The following ZRSR2 variants were observed in gnomAD, a reference collection of about 807,000 sequenced individuals.
ZRSR2 encodes zinc finger CCCH-type, RNA binding motif and serine/arginine rich 2.
A neutral mutation model predicts 39.4 loss-of-function variants in ZRSR2; 3 were observed. The observed-to-expected ratio is 0.08, with a 90% CI of 0.03 to 0.20. The LOEUF is 0.20. Among genes scored for constraint, ZRSR2 ranks in the 10% least tolerant of loss-of-function variants. The pLI, the probability that ZRSR2 is intolerant of heterozygous loss-of-function variation, is 1.00. For missense variants in ZRSR2, 256 were observed against 391.5 expected, an observed-to-expected ratio of 0.65 and a Z score of 2.92; for synonymous variants, 137 against 136.0, an observed-to-expected ratio of 1.01 and a Z score of -0.05.
chrX:15,792,407 G>A (rs1932312964), intron 2 of ZRSR2, among the ~76,000 whole-genome samples: 1 of 112,199 alleles, frequency 8.9e-6, no homozygotes. Flanking sequence ...GGGCAACAGA[G>A]TGAGATTCTG....
At chrX:15,812,143 A>G (rs980408955) in intron 7 of ZRSR2, among the ~76,000 whole-genome samples, 1 of 110,333 alleles carries the variant, frequency 9.1e-6, no homozygotes, top group Non-Finnish European at 1.9e-5. Flanking sequence ...GTTAGCCAGG[A>G]TGGTCTCGAT....
chrX:15,803,800 T>TG lies in ZRSR2; in HGVS notation c.312+6dup, dbSNP rs1373853070. 1.2e-5 allele frequency: 14 copies of TG among 1,182,757 alleles called. 1 individual carries two copies. Among genetic ancestry groups the TG allele is most frequent in the East Asian group, 9.3e-5 (3 of 32,377 alleles). ...AAAACGGCAAGAAGAACAAGAGGTATGGTAGGAATCACGTAACTAGTGAAC... is the reference window on the plus strand; with the variant it reads ...AAAACGGCAAGAAGAACAAGAGGTATGGGTAGGAATCACGTAACTAGTGAAC... On this transcript the variant is annotated splice_donor_region_variant and intron_variant, in intron 4 of 10. Transcript: ENST00000307771.
intron 2 of ZRSR2, among the ~76,000 whole-genome samples, chrX:15,795,162 C>T (rs1252401192): frequency 9.7e-6 from 1 of 102,988 alleles, no homozygotes; most frequent in African/African-American, 3.6e-5. Flanking sequence ...TGATGCCATG[C>T]ACAATATCTG....
At position 15,790,917 on chromosome X, in the gene ZRSR2, A is replaced by C; in HGVS notation, c.42-17A>C. The C allele has an allele frequency of 4.2e-6, 5 of 1,203,414 alleles. No individual in the cohort carries two copies. The highest frequency in any genetic ancestry group is 4.5e-6 in the Non-Finnish European group (4 of 888,110). On this transcript the variant is annotated splice_polypyrimidine_tract_variant and intron_variant, in intron 1 of 10. Transcript: ENST00000307771. Reference sequence around the variant, plus strand: ...ATTGTAGCCGCTGATCGTCGTGTATATGTCTTAATCTTCCAGCCACAAAAA... The same window carrying C: ...ATTGTAGCCGCTGATCGTCGTGTATCTGTCTTAATCTTCCAGCCACAAAAA...
rs761540064 is a variant in ZRSR2 at position 15,810,560 on chromosome X, CTTT to C, written c.557+1243_557+1245del. 5.4e-5 allele frequency among the ~76,000 whole-genome samples: 6 copies of C among 110,870 alleles called. 1 individual carries two copies. In the East Asian group the frequency reaches 1.7e-3, roughly 31 times the overall value. Reference sequence around the variant, plus strand: ...TGAGGTTTTTTTCCTTCTTCTTCTTCTTTGAAAATATATCCTTCTCTATGGTTC... The same window carrying C: ...TGAGGTTTTTTTCCTTCTTCTTCTTCGAAAATATATCCTTCTCTATGGTTC... On this transcript the variant is annotated intron_variant, in intron 7 of 10. Transcript: ENST00000307771.
At chrX:15,818,500 G>A (rs1933025070) in intron 8 of ZRSR2, 87 bp from the exon 9 acceptor site, 8 of 842,356 alleles carry the variant, frequency 9.5e-6, no homozygotes, top group East Asian at 6.5e-5. Flanking sequence ...CTACTTTGGG[G>A]AATGTTAGCC....
chrX:15,800,186 CTTT>C (rs752445746), intron 3 of ZRSR2, among the ~76,000 whole-genome samples: 2 of 79,304 alleles, frequency 2.5e-5, no homozygotes, highest in African/African-American at 4.7e-5. Context: ...TTTTTTCTTT[CTTT>C]TTTTTTTTTT....
chrX:15,794,035 C>G (rs766152833), intron 2 of ZRSR2, among the ~76,000 whole-genome samples: 30 of 112,115 alleles, frequency 2.7e-4, no homozygotes, highest in African/African-American at 9.4e-4. Flanking sequence ...AACAAGCTAC[C>G]TCGTCAGAAA....
chrX:15,803,953 A>G (rs1310883768), intron 4 of ZRSR2, among the ~76,000 whole-genome samples, 157 bp downstream of exon 4: 1 of 110,229 alleles, frequency 9.1e-6, no homozygotes, highest in Non-Finnish European at 1.9e-5. Context: ...CAAAAAGAAA[A>G]AAAAAAAAGA....
chrX:15,796,080 G>C (rs1433887913), intron 2 of ZRSR2, among the ~76,000 whole-genome samples: 1 of 108,979 alleles, frequency 9.2e-6, no homozygotes, highest in African/African-American at 3.4e-5. Flanking sequence ...CCAGGCTGGA[G>C]TGCAGTGGCA....
intron 8 of ZRSR2, 132 bp from the exon 9 acceptor site, chrX:15,818,455 G>T: frequency 1.8e-6 from 1 of 543,250 alleles, no homozygotes; most frequent in Non-Finnish European, 3.0e-6. Context: ...GCAAGAGTCA[G>T]CTAGTATCTC....
chrX:15,814,763 C>T (rs1456012185), intron 7 of ZRSR2, among the ~76,000 whole-genome samples: 1 of 111,841 alleles, frequency 8.9e-6, no homozygotes, highest in South Asian at 3.7e-4. Context: ...TCTCAGCTTC[C>T]GTCTTTGCAA....
chrX:15,799,210 G>A (rs1179349434), intron 2 of ZRSR2, among the ~76,000 whole-genome samples: 4 of 107,112 alleles, frequency 3.7e-5, no homozygotes, highest in Non-Finnish European at 3.8e-5. Flanking sequence ...AAAGTGTCCA[G>A]ATCGCTCCAT....
chrX:15,809,021 T>C (rs924200447), intron 6 of ZRSR2, among the ~76,000 whole-genome samples, 179 bp from the exon 7 acceptor site: 13 of 112,273 alleles, frequency 1.2e-4, no homozygotes, highest in African/African-American at 4.2e-4. Flanking sequence ...AAGAGAGACA[T>C]GGAGCTCATG....
chrX:15,795,071 C>T (rs977739711), intron 2 of ZRSR2, among the ~76,000 whole-genome samples: 5 of 71,901 alleles, frequency 7.0e-5, no homozygotes, highest in Admixed American at 1.7e-4. Flanking sequence ...CCCTTCACCC[C>T]GACCCCCCTG....
intron 7 of ZRSR2, among the ~76,000 whole-genome samples, chrX:15,813,674 AC>A (rs1474645002): frequency 8.9e-6 from 1 of 111,907 alleles, no homozygotes; most frequent in Non-Finnish European, 1.9e-5. Context: ...CAGAATTTTA[AC>A]CTCATTAAAT....
Position 15,822,885 on chromosome X carries a change from G to A in ZRSR2, c.1092G>A (p.Arg364=), listed in dbSNP as rs1933145110. Residue 364 remains arginine (R), a synonymous_variant, in exon 11 of 11, where the codon AGG becomes AGA. Coordinates refer to ENST00000307771, the MANE Select transcript of ZRSR2 (RefSeq NM_005089.4). ...CCTTTGGGAAGAACTCCGAAAGGAGGGAGAGGATGGGCCACCACGACGACT... is the reference window on the plus strand; with the variant it reads ...CCTTTGGGAAGAACTCCGAAAGGAGAGAGAGGATGGGCCACCACGACGACT... ...GSSFGKNSER[R]ERMGHHDDYY... The A allele has an allele frequency of 8.2e-7, 1 of 1,212,381 alleles. No individual in the cohort carries two copies. The highest frequency in any genetic ancestry group is 1.1e-6 in the Non-Finnish European group (1 of 895,675).
At chrX:15,806,086 C>T (rs1008319719) in intron 5 of ZRSR2, among the ~76,000 whole-genome samples, 9 of 111,222 alleles carry the variant, frequency 8.1e-5, no homozygotes, top group Non-Finnish European at 1.7e-4. Context: ...AAGAAGAAGC[C>T]TGAAGCTTGA....
chrX:15,821,494 T>C (rs1357246890), intron 10 of ZRSR2, among the ~76,000 whole-genome samples: 4 of 111,573 alleles, frequency 3.6e-5, no homozygotes, highest in Non-Finnish European at 7.5e-5. Context: ...TAAGAGTTCT[T>C]GGTATATTCT....
Sources: gnomAD v4.1 joint callset for allele counts (sites outside exome capture counted in the v4.1 genomes callset) on GRCh38, gnomAD v4.1.1 for gene constraint, MANE v1.5 for transcripts, NCBI Gene and HGNC (gene_info 2026-07-23, HGNC 2026-07-21) for gene names.